The following EPHB1 variants were observed in gnomAD, a reference collection of about 807,000 sequenced individuals.
EPHB1 encodes the protein ephrin type-B receptor 1.
In EPHB1, 30 loss-of-function variants were observed where a neutral mutation model predicts 94.4. The observed-to-expected ratio is 0.32, with a 90% CI of 0.24 to 0.43. The LOEUF is 0.43. Ranked by LOEUF, EPHB1 falls within the 20% of genes least tolerant of loss-of-function variation. EPHB1 has a pLI of 1.00. For missense variants in EPHB1, 1,055 were observed against 1,308.3 expected, an observed-to-expected ratio of 0.81 and a Z score of 2.99; for synonymous variants, 522 against 489.1, an observed-to-expected ratio of 1.07 and a Z score of -0.89.
intron 3 of EPHB1, among the ~76,000 whole-genome samples, chr3:135,095,147 T>C (rs1372222691): frequency 6.6e-6 from 1 of 152,124 alleles, no homozygotes; most frequent in Non-Finnish European, 1.5e-5. Context: ...GGGAGCCCAC[T>C]GCCAAAGTAT....
At chr3:135,097,096 CAAA>C (rs1182116389) in intron 3 of EPHB1, among the ~76,000 whole-genome samples, 2 of 83,488 alleles carry the variant, frequency 2.4e-5, no homozygotes, top group African/African-American at 5.4e-5. Flanking sequence ...ACTCTGTCTA[CAAA>C]AAAAAAAAAA....
chr3:135,021,506 C>A (rs1394947881), intron 3 of EPHB1, among the ~76,000 whole-genome samples: 1 of 151,556 alleles, frequency 6.6e-6, no homozygotes, highest in Non-Finnish European at 1.5e-5. Context: ...TCTCTCCCCC[C>A]ACCCCCCACC....
chr3:134,971,898 G>C (rs937211763), intron 3 of EPHB1, among the ~76,000 whole-genome samples: 1 of 152,140 alleles, frequency 6.6e-6, no homozygotes, highest in African/African-American at 2.4e-5. Context: ...ATTTGTTTCA[G>C]TTCAATGGGA....
At chr3:135,143,210 G>C (rs1940889254) in intron 5 of EPHB1, among the ~76,000 whole-genome samples, 1 of 152,096 alleles carries the variant, frequency 6.6e-6, no homozygotes, top group South Asian at 2.1e-4. Flanking sequence ...TCAGAATCAA[G>C]AAGAGGCCCA....
At chr3:134,980,253 T>A (rs959521012) in intron 3 of EPHB1, among the ~76,000 whole-genome samples, 13 of 152,046 alleles carry the variant, frequency 8.6e-5, no homozygotes, top group Admixed American at 6.5e-5. Context: ...GACTTGAGCT[T>A]CCTCATAGCA....
At chr3:135,083,888 A>C (rs981497115) in intron 3 of EPHB1, among the ~76,000 whole-genome samples, 4 of 152,136 alleles carry the variant, frequency 2.6e-5, no homozygotes, top group Admixed American at 1.3e-4. Context: ...CCCCTGGTTT[A>C]CATGAGGCTC....
At chr3:134,987,329 A>G (rs986329345) in intron 3 of EPHB1, among the ~76,000 whole-genome samples, 2 of 152,196 alleles carry the variant, frequency 1.3e-5, no homozygotes, top group African/African-American at 4.8e-5. Context: ...TAAGGCTCTA[A>G]TGTCCTCTGA....
chr3:135,022,492 C>A (rs1181055223), intron 3 of EPHB1, among the ~76,000 whole-genome samples: 1 of 152,160 alleles, frequency 6.6e-6, no homozygotes, highest in Non-Finnish European at 1.5e-5. Context: ...TGTAACACTA[C>A]TCGGTCTTGG....
intron 1 of EPHB1, among the ~76,000 whole-genome samples, chr3:134,871,989 G>A (rs555160271): frequency 5.9e-5 from 9 of 152,320 alleles, no homozygotes; most frequent in South Asian, 2.1e-4. Flanking sequence ...TGACACAGGG[G>A]TGGTCAAACT....
intron 1 of EPHB1, among the ~76,000 whole-genome samples, chr3:134,919,027 CG>C (rs1553865816): frequency 2.2e-4 from 33 of 152,200 alleles, no homozygotes; most frequent in Non-Finnish European, 3.8e-4. Context: ...ACACCAGTTA[CG>C]AGGTGGTTGC....
intron 1 of EPHB1, among the ~76,000 whole-genome samples, chr3:134,862,703 G>A (rs1171451437): frequency 1.3e-5 from 2 of 152,114 alleles, no homozygotes; most frequent in Non-Finnish European, 2.9e-5. Context: ...TGTTGCCGTG[G>A]CCATTGGTGT....
At chr3:135,053,054 T>TATATATATATATATATAA (rs1228359626) in intron 3 of EPHB1, among the ~76,000 whole-genome samples, 4 of 136,358 alleles carry the variant, frequency 2.9e-5, no homozygotes, top group South Asian at 2.3e-4. Flanking sequence ...TATATATATA[T>TATATATATATATATATAA]AAAGTTGGTG....
intron 1 of EPHB1, among the ~76,000 whole-genome samples, chr3:134,817,088 G>T (rs1331515564): frequency 6.6e-6 from 1 of 152,138 alleles, no homozygotes; most frequent in African/African-American, 2.4e-5. Flanking sequence ...CAAAGTTTAA[G>T]GGGGCACTAA....
intron 1 of EPHB1, among the ~76,000 whole-genome samples, chr3:134,874,839 C>G (rs980398804): frequency 2.0e-5 from 3 of 152,228 alleles, no homozygotes; most frequent in Non-Finnish European, 1.5e-5. Flanking sequence ...ACCCGATGGG[C>G]TATTTACAGA....
intron 1 of EPHB1, among the ~76,000 whole-genome samples, chr3:134,802,796 C>T (rs148824992): frequency 6.6e-6 from 1 of 152,300 alleles, no homozygotes; most frequent in African/African-American, 2.4e-5. Flanking sequence ...ATGCTCCCAG[C>T]CTTCTAGGGC....
chr3:135,220,256 G>C (rs1408517174), intron 12 of EPHB1, among the ~76,000 whole-genome samples: 1 of 152,156 alleles, frequency 6.6e-6, no homozygotes, highest in African/African-American at 2.4e-5. Flanking sequence ...GCCAATCAAA[G>C]GCTGCTCTGC....
intron 12 of EPHB1, among the ~76,000 whole-genome samples, chr3:135,239,838 C>T (rs1943738224): frequency 6.6e-6 from 1 of 152,192 alleles, no homozygotes; most frequent in Non-Finnish European, 1.5e-5. Flanking sequence ...GGACTTCCCT[C>T]CTCCAGTCAC....
At chr3:135,168,798 A>T (rs932206945) in intron 9 of EPHB1, among the ~76,000 whole-genome samples, 20 of 152,176 alleles carry the variant, frequency 1.3e-4, no homozygotes, top group African/African-American at 3.9e-4. Context: ...AAACATTTAG[A>T]GGTGGTCATG....
chr3:135,178,370 C>T (rs536843983), intron 9 of EPHB1, among the ~76,000 whole-genome samples: 7 of 150,478 alleles, frequency 4.7e-5, no homozygotes, highest in South Asian at 2.1e-4. Context: ...GCAGAAGAAT[C>T]GCTTGAACCC....
Sources: allele counts gnomAD v4.1 joint callset (sites outside exome capture counted in the v4.1 genomes callset), GRCh38; gene constraint gnomAD v4.1.1; transcripts MANE v1.5; gene names NCBI Gene and HGNC (gene_info 2026-07-23, HGNC 2026-07-21).